Variants in GUCY1A1 observed in about 807,000 individuals in gnomAD.
GUCY1A1 encodes the protein guanylate cyclase soluble subunit alpha-1.
GUCY1A1 carries 48 observed loss-of-function variants against 64.5 expected under a neutral mutation model. The ratio of observed to expected loss-of-function variants is 0.74; its 90% CI spans 0.59 to 0.95. The LOEUF (loss-of-function observed/expected upper bound fraction) is 0.95. GUCY1A1 is among the 40% of genes least tolerant of loss of function. The pLI, the probability that GUCY1A1 is intolerant of heterozygous loss-of-function variation, is 0.00. For synonymous variants in GUCY1A1, 308 were observed against 303.4 expected, an observed-to-expected ratio of 1.02 and a Z score of -0.16; for missense variants, 804 against 825.3, an observed-to-expected ratio of 0.97 and a Z score of 0.32.
At chr4:155,722,466 A>T in intron 9 of GUCY1A1, 1 of 1,230,110 alleles carries the variant, frequency 8.1e-7, no homozygotes, top group South Asian at 2.0e-5. Context: ...GCACATATTA[A>T]TACTCTTAGT....
chr4:155,693,359 T>A (rs1730002827), intron 2 of GUCY1A1, among the ~76,000 whole-genome samples: 1 of 152,190 alleles, frequency 6.6e-6, no homozygotes, highest in South Asian at 2.1e-4. Flanking sequence ...TTTTAATTTA[T>A]TTGTTTTTCC....
At chr4:155,667,268 G>C (rs1455505837) in intron 1 of GUCY1A1, 78 bp from the exon 2 acceptor site, 1 of 152,172 alleles carries the variant, frequency 6.6e-6, no homozygotes, top group African/African-American at 2.4e-5. Context: ...CGCGGGGACC[G>C]ACAGGTGCCA....
At chr4:155,717,408 G>C in intron 8 of GUCY1A1, 106 bp downstream of exon 8, 35 of 649,250 alleles carry the variant, frequency 5.4e-5, no homozygotes, top group South Asian at 9.9e-5. Context: ...GAGAGAGAGA[G>C]AAAGCAAAAT....
chr4:155,726,767 A>G (rs1232219884), intron 9 of GUCY1A1, among the ~76,000 whole-genome samples: 1 of 151,912 alleles, frequency 6.6e-6, no homozygotes, highest in East Asian at 1.9e-4. Context: ...ATTTTAGGGG[A>G]TAATATTCGA....
At chr4:155,720,120 T>A (rs902148623) in intron 8 of GUCY1A1, among the ~76,000 whole-genome samples, 5 of 152,152 alleles carry the variant, frequency 3.3e-5, no homozygotes, top group Non-Finnish European at 1.5e-5. Flanking sequence ...ACACTTGCCT[T>A]GTCTGCATCG....
In GUCY1A1 at chr4:155,712,157, G is replaced by A. The variant is rs566916888; in HGVS notation, c.1086+906G>A. On this transcript the variant is annotated intron_variant, in intron 6 of 9. Coordinates refer to ENST00000506455, the MANE Select transcript of GUCY1A1 (RefSeq NM_001130682.3). ...ATTTTATTTTATTTATTTAGACTGC[G>A]TCTTGCTCTGTCGCCCAGGCTGGAG... Among the ~76,000 whole-genome samples, 81 of 152,046 alleles carry A rather than the reference G, an allele frequency of 5.3e-4. 1 individual carries two copies. Among genetic ancestry groups the A allele is most frequent in the Non-Finnish European group, 1.0e-3 (71 of 68,018 alleles).
intron 2 of GUCY1A1, among the ~76,000 whole-genome samples, chr4:155,675,812 C>T (rs763669415): frequency 5.3e-5 from 8 of 150,698 alleles, no homozygotes; most frequent in Non-Finnish European, 8.9e-5. Context: ...TCTCTCTCTC[C>T]TCCTCTTTGA....
chr4:155,708,306 GT>G lies in GUCY1A1; in HGVS notation c.376+15del. ...AGCAGTTGCAGCAGGTAATAGAATT[GT>G]TTATGTAATTAGAAAGTATGCCATA... On this transcript the variant is annotated intron_variant, in intron 5 of 9. Transcript: ENST00000506455. 2 of 1,443,374 alleles carry G rather than the reference GT, an allele frequency of 1.4e-6. No homozygotes were observed. Among genetic ancestry groups the G allele is most frequent in the South Asian group, 1.2e-5 (1 of 86,776 alleles). The allele number at this position is 1,443,374 out of a possible 1,614,324, so 89.4% of individuals were successfully genotyped here.
chr4:155,706,574 A>G (rs1281497480), intron 4 of GUCY1A1, among the ~76,000 whole-genome samples: 3 of 149,036 alleles, frequency 2.0e-5, no homozygotes, highest in Admixed American at 2.0e-4. Flanking sequence ...GTCCCTCAGG[A>G]TTGGTTGCCC....
At chr4:155,717,059 C>A in intron 7 of GUCY1A1, 100 bp from the exon 8 acceptor site, 1 of 838,574 alleles carries the variant, frequency 1.2e-6, no homozygotes, top group Non-Finnish European at 1.8e-6. Context: ...AAGGCCTGAG[C>A]AATGAGAATT....
intron 2 of GUCY1A1, among the ~76,000 whole-genome samples, chr4:155,678,516 A>G (rs1300546620): frequency 6.6e-6 from 1 of 152,218 alleles, no homozygotes; most frequent in Non-Finnish European, 1.5e-5. Context: ...CCCTTGAGGA[A>G]TGTTCTATTC....
At chr4:155,688,074 AAAAATT>A (rs974035673) in intron 2 of GUCY1A1, among the ~76,000 whole-genome samples, 6 of 151,896 alleles carry the variant, frequency 4.0e-5, no homozygotes, top group Non-Finnish European at 8.8e-5. Context: ...ATACAAAAAA[AAAAATT>A]AGCCTGGCGT....
chr4:155,712,223 G>A (rs550328241), intron 6 of GUCY1A1, among the ~76,000 whole-genome samples: 3 of 152,124 alleles, frequency 2.0e-5, no homozygotes, highest in South Asian at 4.2e-4. Context: ...CTCCAACTCC[G>A]GGGTTCAAGC....
At position 155,736,950 on chromosome 4, in the gene GUCY1A1, TTGC is replaced by T. The variant is rs1183730364; in HGVS notation, c.*6720_*6722del. 3 of 151,976 alleles carry T rather than the reference TTGC, an allele frequency of 2.0e-5. No homozygotes were observed. The highest frequency in any genetic ancestry group is 2.9e-5 in the Non-Finnish European group (2 of 67,932). 9.4% of individuals were successfully genotyped at this position (151,976 alleles called of 1,614,324 possible). ...ATTTCGAGTTTTACTTCTGGCTGAG[TTGC>T]AAAGTCTATGAGAATGTTACCTCCT... is the stretch of plus-strand genomic sequence containing the variant. On this transcript the variant is annotated 3_prime_UTR_variant, in exon 10 of 10. Transcript: ENST00000506455.
Position 155,710,729 on chromosome 4 carries a change from C to T in GUCY1A1, c.564C>T (p.Ala188=). Residue 188 remains alanine, a synonymous_variant, in exon 6 of 10, where the codon GCC becomes GCT. Coordinates refer to ENST00000506455, the MANE Select transcript of GUCY1A1 (RefSeq NM_001130682.3). The part of the protein sequence containing the change: ...EAGKRGRLED[A]SILCLDKEDD... Reference sequence around the variant, plus strand: ...GAAAAAGGGGCAGGCTTGAGGACGCCTCCATTCTATGCCTGGATAAGGAGG... The same window carrying T: ...GAAAAAGGGGCAGGCTTGAGGACGCTTCCATTCTATGCCTGGATAAGGAGG... The T allele has an allele frequency of 6.2e-7, 1 of 1,614,130 alleles. No homozygotes were observed. Among genetic ancestry groups the T allele is most frequent in the Non-Finnish European group, 8.5e-7 (1 of 1,180,000 alleles).
rs1245668054 is a variant in GUCY1A1, at chr4:155,736,811, T to A, written c.*6580T>A. 1 of 151,946 alleles carries A rather than the reference T, an allele frequency of 6.6e-6. No homozygotes were observed. Among genetic ancestry groups the A allele is most frequent in the African/African-American group, 2.4e-5 (1 of 41,408 alleles). 9.4% of individuals were successfully genotyped at this position (151,946 alleles called of 1,614,324 possible). On this transcript the variant is annotated 3_prime_UTR_variant, in exon 10 of 10. Coordinates refer to ENST00000506455, the MANE Select transcript of GUCY1A1 (RefSeq NM_001130682.3). ...TTTTTTGTTATGTTTAGTAACTAATTTCATTTTTTCTGTATATGTAAATAT... is the reference window on the plus strand; with the variant it reads ...TTTTTTGTTATGTTTAGTAACTAATATCATTTTTTCTGTATATGTAAATAT...
At chr4:155,701,828 G>T (rs1328269153) in intron 3 of GUCY1A1, among the ~76,000 whole-genome samples, 1 of 150,252 alleles carries the variant, frequency 6.7e-6, no homozygotes, top group East Asian at 1.9e-4. Context: ...AGAAGTTCCT[G>T]GTTCAAGAAG....
chr4:155,700,913 C>T (rs1020929610), intron 3 of GUCY1A1, among the ~76,000 whole-genome samples: 1 of 152,124 alleles, frequency 6.6e-6, no homozygotes, highest in Non-Finnish European at 1.5e-5. Flanking sequence ...AAATCTGAAA[C>T]CAAAAATTAA....
At chr4:155,680,711 A>G (rs1735610559) in intron 2 of GUCY1A1, among the ~76,000 whole-genome samples, 2 of 152,216 alleles carry the variant, frequency 1.3e-5, no homozygotes, top group Admixed American at 1.3e-4. Flanking sequence ...AAAGAAAATC[A>G]TAAAGGAAGA....
Sources: gnomAD v4.1 joint callset for allele counts (sites outside exome capture counted in the v4.1 genomes callset) on GRCh38, gnomAD v4.1.1 for gene constraint, MANE v1.5 for transcripts, NCBI Gene and HGNC (gene_info 2026-07-23, HGNC 2026-07-21) for gene names.